ZNF696: variants seen among roughly 807,000 people sequenced by gnomAD.
ZNF696 encodes the protein zinc finger protein 696.
A neutral mutation model predicts 12.3 loss-of-function variants in ZNF696; 10 were observed. The observed-to-expected ratio is 0.81, with a 90% CI of 0.50 to 1.38. The LOEUF is 1.38. Among genes scored for constraint, ZNF696 ranks in the 40% most tolerant of loss-of-function variants. The pLI, the probability that ZNF696 is intolerant of heterozygous loss-of-function variation, is 0.00. For synonymous variants in ZNF696, 304 were observed against 243.9 expected (o/e 1.25, Z -2.29); for missense variants, 675 against 554.7 (o/e 1.22, Z -2.18).
In ZNF696 at chr8:143,296,489, C is replaced by T; in HGVS notation, c.814C>T (p.Gln272Ter). ...ENPYECRECG[Q>*]AFSQSSNLLQ... Reference sequence around the variant, plus strand: ...CCCGTACGAGTGCCGGGAGTGCGGCCAGGCCTTCAGCCAGAGCTCCAACCT... The same window carrying T: ...CCCGTACGAGTGCCGGGAGTGCGGCTAGGCCTTCAGCCAGAGCTCCAACCT... Residue 272 changes from glutamine to a stop codon, truncating the protein, a stop_gained, in exon 3 of 3, where the codon CAG becomes TAG. Coordinates refer to ENST00000330143, the MANE Select transcript of ZNF696 (RefSeq NM_030895.3). LOFTEE classifies it high-confidence loss of function. 1 of 1,594,944 alleles carries T rather than the reference C, an allele frequency of 6.3e-7. No individual in the cohort carries two copies. Among genetic ancestry groups the T allele is most frequent in the African/African-American group, 1.4e-5 (1 of 70,984 alleles).
chr8:143,296,834 T>A lies in ZNF696; in HGVS notation c.*34T>A, dbSNP rs1815728600. Reference sequence around the variant, plus strand: ...TGCGGCGGAAGAGATGCCGGCGGCCTGGTGGGCGCGAGGCCGAGGCCGGGG... The same window carrying A: ...TGCGGCGGAAGAGATGCCGGCGGCCAGGTGGGCGCGAGGCCGAGGCCGGGG... On this transcript the variant is annotated 3_prime_UTR_variant, in exon 3 of 3. Coordinates refer to ENST00000330143, the MANE Select transcript of ZNF696 (RefSeq NM_030895.3). 2 of 1,374,100 alleles carry A rather than the reference T, an allele frequency of 1.5e-6. No homozygotes were observed. The highest frequency in any genetic ancestry group is 3.7e-5 in the Admixed American group (1 of 26,846). 85.1% of individuals were successfully genotyped at this position (1,374,100 alleles called of 1,614,324 possible).
Position 143,297,646 on chromosome 8 carries a change from CA to C in ZNF696, c.*856del, listed in dbSNP as rs995703910. 6.0e-5 allele frequency: 9 copies of C among 149,526 alleles called. No homozygotes were observed. Among genetic ancestry groups the C allele is most frequent in the African/African-American group, 9.8e-5 (4 of 40,768 alleles). The allele number at this position is 149,526 out of a possible 1,614,324, so 9.3% of individuals were successfully genotyped here. ...GCCTGGGCGACAGAGAGACCCATCT[CA>C]AAAAAAAAATTGGAACCTGAGAAGG... is the stretch of plus-strand genomic sequence containing the variant. On this transcript the variant is annotated 3_prime_UTR_variant, in exon 3 of 3. Transcript: ENST00000330143.
At chr8:143,295,055 C>T (rs538289508) in intron 2 of ZNF696, among the ~76,000 whole-genome samples, 1 of 151,898 alleles carries the variant, frequency 6.6e-6, no homozygotes, top group South Asian at 2.1e-4. Context: ...GCACTCCAGC[C>T]TGGGTGATAG....
chr8:143,293,078 G>A lies in ZNF696; in HGVS notation c.64+13G>A, dbSNP rs755126908. 1 of 1,608,268 alleles carries A rather than the reference G, an allele frequency of 6.2e-7. No homozygotes were observed. Among genetic ancestry groups the A allele is most frequent in the South Asian group, 1.1e-5 (1 of 90,816 alleles). On this transcript the variant is annotated intron_variant, in intron 2 of 2. Coordinates refer to ENST00000330143, the MANE Select transcript of ZNF696 (RefSeq NM_030895.3). ...GAGTCCCTTGCAGGTGAGGGGACAT[G>A]TCCACAGTCGGGCCCAGAGTTCCAG...
Position 143,296,859 on chromosome 8 carries a change from G to A in ZNF696, c.*59G>A, listed in dbSNP as rs962666231. On this transcript the variant is annotated 3_prime_UTR_variant, in exon 3 of 3. Transcript: ENST00000330143. ...TGGTGGGCGCGAGGCCGAGGCCGGG[G>A]GAGGCTCCTGTCCGCCCCGTGCGCG... 1 of 1,343,714 alleles carries A rather than the reference G, an allele frequency of 7.4e-7. No homozygotes were observed. The highest frequency in any genetic ancestry group is 1.7e-5 in the South Asian group (1 of 57,956). The allele number at this position is 1,343,714 out of a possible 1,614,324, so 83.2% of individuals were successfully genotyped here.
At position 143,296,190 on chromosome 8, in the gene ZNF696, A is replaced by G. The variant is rs536397793; in HGVS notation, c.515A>G (p.Gln172Arg). Reference protein sequence around the residue: ...FIHSSHVVRHQRAHSGERPYA... With the variant: ...FIHSSHVVRHRRAHSGERPYA... ...CACAGCTCGCACGTGGTCCGGCACC[A>G]GCGGGCGCACAGCGGGGAGAGGCCC... The change falls in exon 3 of 3, where the codon CAG (glutamine) becomes CGG (arginine). Residue 172 changes from glutamine (Q) to arginine (R), a missense_variant. By Grantham distance (43) the Gln-to-Arg change is conservative (BLOSUM62 1). Coordinates refer to ENST00000330143, the MANE Select transcript of ZNF696 (RefSeq NM_030895.3). 11 of 1,599,824 alleles carry G rather than the reference A, an allele frequency of 6.9e-6. No individual in the cohort carries two copies. In the Admixed American group the frequency reaches 1.9e-4, roughly 27 times the overall value.
At chr8:143,294,325 G>A (rs996905523) in intron 2 of ZNF696, among the ~76,000 whole-genome samples, 6 of 152,052 alleles carry the variant, frequency 3.9e-5, no homozygotes, top group East Asian at 1.9e-4. Flanking sequence ...CAGCGCCGCC[G>A]CCGCCCAGCC....
Position 143,291,484 on chromosome 8 carries a change from G to C in ZNF696, c.-314G>C, listed in dbSNP as rs1202186971. On this transcript the variant is annotated 5_prime_UTR_variant, in exon 1 of 3. Coordinates refer to ENST00000330143, the MANE Select transcript of ZNF696 (RefSeq NM_030895.3). ...CTTCTCTTGCTGGGGTGTCGATTCGGGAGGGCTGAGGGCGCGGCCGAGAGA... is the reference window on the plus strand; with the variant it reads ...CTTCTCTTGCTGGGGTGTCGATTCGCGAGGGCTGAGGGCGCGGCCGAGAGA... The C allele has an allele frequency of 5.2e-5, 51 of 985,438 alleles. No homozygotes were observed. Among genetic ancestry groups the C allele is most frequent in the Non-Finnish European group, 6.1e-5 (51 of 830,016 alleles). 61.0% of individuals were successfully genotyped at this position (985,438 alleles called of 1,614,324 possible). A position where few individuals can be genotyped will look rare whatever the true frequency, so the allele number is the denominator to read the frequency against.
In ZNF696 at chr8:143,295,812, C is replaced by T. The variant is rs754945982; in HGVS notation, c.137C>T (p.Thr46Met). The T allele has an allele frequency of 1.2e-4, 192 of 1,599,156 alleles. 2 individuals carry two copies. In the South Asian group the frequency reaches 1.5e-3, roughly 12 times the overall value. The change falls in exon 3 of 3, where the codon ACG (threonine) becomes ATG (methionine). Residue 46 changes from threonine to methionine, a missense_variant. Coordinates refer to ENST00000330143, the MANE Select transcript of ZNF696 (RefSeq NM_030895.3). ...GCCGAGGTGCAGGCAGCTCAGAGCA[C>T]GGAGCCTGCCGCAGAGGCAGGCGCT... ...RSAEVQAAQS[T>M]EPAAEAGAPE...
At chr8:143,293,398 A>G (rs1057043317) in intron 2 of ZNF696, 20 of 469,100 alleles carry the variant, frequency 4.3e-5, no homozygotes, top group Middle Eastern at 5.5e-4. Context: ...TGTGTGTTGT[A>G]GGACGTTCGG....
In ZNF696 at chr8:143,296,758, C is replaced by T; in HGVS notation, c.1083C>T (p.Ser361=). 1.4e-6 allele frequency: 2 copies of T among 1,470,026 alleles called. No individual in the cohort carries two copies. Among genetic ancestry groups the T allele is most frequent in the South Asian group, 2.8e-5 (2 of 71,952 alleles). The allele number at this position is 1,470,026 out of a possible 1,614,324, so 91.1% of individuals were successfully genotyped here. The change falls in exon 3 of 3, where the codon AGC becomes AGT. Residue 361 remains serine, a synonymous_variant. Transcript: ENST00000330143. ...CTECGRAFRL[S]FHLIQHRRVH... Reference sequence around the variant, plus strand: ...AGTGCGGCCGCGCCTTCCGCCTGAGCTTCCACCTCATCCAGCACCGGCGGG... The same window carrying T: ...AGTGCGGCCGCGCCTTCCGCCTGAGTTTCCACCTCATCCAGCACCGGCGGG...
At chr8:143,291,850 A>T (rs929297128) in intron 1 of ZNF696, 83 bp downstream of exon 1, 54 of 952,870 alleles carry the variant, frequency 5.7e-5, no homozygotes, top group Non-Finnish European at 6.7e-5. Flanking sequence ...GGGTCTCGCT[A>T]TGTTTCCCAG....
Position 143,295,961 on chromosome 8 carries a change from A to C in ZNF696, c.286A>C (p.Thr96Pro). ...SPRGPVTSEK[T>P]GGQSGLESDV... ...TCGAGGCCCGGTCACTTCTGAGAAA[A>C]CTGGAGGACAGAGTGGCCTCGAGTC... Residue 96 changes from threonine to proline, a missense_variant, in exon 3 of 3, where the codon ACT becomes CCT. By Grantham distance (38) the Thr-to-Pro change is conservative. Transcript: ENST00000330143. 1 of 1,576,794 alleles carries C rather than the reference A, an allele frequency of 6.3e-7. No individual in the cohort carries two copies. Among genetic ancestry groups the C allele is most frequent in the Admixed American group, 1.8e-5 (1 of 55,030 alleles).
Position 143,293,049 on chromosome 8 carries a change from G to C in ZNF696, c.48G>C (p.Leu16=). Residue 16 remains leucine, a synonymous_variant, in exon 2 of 3, where the codon CTG becomes CTC. Transcript: ENST00000330143. ...CAGGTGCTAAAGAGAGCAGTACCCT[G>C]ATGGAGTCCCTTGCAGGTGAGGGGA... is the stretch of plus-strand genomic sequence containing the variant. The part of the protein sequence containing the change: ...EPTGAKESST[L]MESLAAVKAA... 1 of 1,614,018 alleles carries C rather than the reference G, an allele frequency of 6.2e-7. No homozygotes were observed. The highest frequency in any genetic ancestry group is 8.5e-7 in the Non-Finnish European group (1 of 1,180,006).
chr8:143,295,143 A>G (rs1022689601), intron 2 of ZNF696, among the ~76,000 whole-genome samples: 1 of 152,084 alleles, frequency 6.6e-6, no homozygotes. Flanking sequence ...GTTGGGTGCC[A>G]CTGTCCCCGG....
chr8:143,296,723 C>T lies in ZNF696; in HGVS notation c.1048C>T (p.Arg350Cys), dbSNP rs1815725497. The T allele has an allele frequency of 7.2e-6, 11 of 1,537,382 alleles. No homozygotes were observed. Among genetic ancestry groups the T allele is most frequent in the African/African-American group, 5.6e-5 (4 of 71,342 alleles). ...QRLHTGEKPF[R>C]CTECGRAFRL... The stretch of plus-strand genomic sequence containing the variant: ...ACTCCACACGGGCGAGAAGCCGTTC[C>T]GCTGCACCGAGTGCGGCCGCGCCTT... The change falls in exon 3 of 3, where the codon CGC becomes TGC. Residue 350 changes from arginine (R) to cysteine (C), a missense_variant. Arg to Cys is a radical substitution (Grantham distance 180). Coordinates refer to ENST00000330143, the MANE Select transcript of ZNF696 (RefSeq NM_030895.3).
In ZNF696 at chr8:143,296,760, T is replaced by C. The variant is rs750041896; in HGVS notation, c.1085T>C (p.Phe362Ser). The C allele has an allele frequency of 1.8e-5, 27 of 1,461,758 alleles. No individual in the cohort carries two copies. Among genetic ancestry groups the C allele is most frequent in the Admixed American group, 1.5e-4 (6 of 39,134 alleles). 90.5% of individuals were successfully genotyped at this position (1,461,758 alleles called of 1,614,324 possible). Residue 362 changes from phenylalanine to serine, a missense_variant, in exon 3 of 3, where the codon TTC (phenylalanine) becomes TCC (serine). Coordinates refer to ENST00000330143, the MANE Select transcript of ZNF696 (RefSeq NM_030895.3). ...TECGRAFRLS[F>S]HLIQHRRVHG... ...TGCGGCCGCGCCTTCCGCCTGAGCT[T>C]CCACCTCATCCAGCACCGGCGGGTG...
At position 143,296,458 on chromosome 8, in the gene ZNF696, G is replaced by A; in HGVS notation, c.783G>A (p.Gly261=). 1 of 1,607,390 alleles carries A rather than the reference G, an allele frequency of 6.2e-7. No homozygotes were observed. Among genetic ancestry groups the A allele is most frequent in the Non-Finnish European group, 8.5e-7 (1 of 1,178,790 alleles). Residue 261 remains glycine (G), a synonymous_variant, in exon 3 of 3, where the codon GGG becomes GGA. Coordinates refer to ENST00000330143, the MANE Select transcript of ZNF696 (RefSeq NM_030895.3). ...NVVRHRRTHH[G]ENPYECRECG... is the part of the protein sequence containing the mutation. ...TCCGGCACCGGCGGACCCACCACGG[G>A]GAGAACCCGTACGAGTGCCGGGAGT... is the stretch of plus-strand genomic sequence containing the variant.
At chr8:143,295,440 T>C (rs760051586) in intron 2 of ZNF696, 57 of 643,838 alleles carry the variant, frequency 8.9e-5, no homozygotes, top group South Asian at 8.3e-4. Context: ...GTGGTCCTCC[T>C]GCCTCAGCCT....
Sources: gnomAD v4.1 joint callset for allele counts (sites outside exome capture counted in the v4.1 genomes callset) on GRCh38, gnomAD v4.1.1 for gene constraint, MANE v1.5 for transcripts, NCBI Gene and HGNC (gene_info 2026-07-23, HGNC 2026-07-21) for gene names.